The following STARD13 variants were observed in gnomAD, a reference collection of about 807,000 sequenced individuals.
The protein encoded by STARD13 is StAR related lipid transfer domain containing 13.
Under a neutral mutation model 106.4 loss-of-function variants are expected in STARD13, and 62 were observed. The observed-to-expected ratio is 0.58, with a 90% CI of 0.48 to 0.72. The LOEUF is 0.72. Among genes scored for constraint, STARD13 ranks in the 30% least tolerant of loss-of-function variants. The pLI is 0.00. For missense variants in STARD13, 1,387 were observed against 1,424.0 expected (o/e 0.97, Z 0.42); for synonymous variants, 565 against 553.0 (o/e 1.02, Z -0.31).
chr13:33,620,106 A>G, the STARD13 span, among the ~76,000 whole-genome samples: 14 of 152,078 alleles, frequency 9.2e-5, no homozygotes, highest in African/African-American at 2.7e-4. Flanking sequence ...ATCCATGACC[A>G]TAATTGGAGA....
chr13:33,438,124 T>A, the STARD13 span, among the ~76,000 whole-genome samples: 2 of 152,228 alleles, frequency 1.3e-5, no homozygotes, highest in Non-Finnish European at 2.9e-5. Flanking sequence ...ATTGTAACTT[T>A]TACATGGTGA....
the STARD13 span, among the ~76,000 whole-genome samples, chr13:33,376,116 T>C: frequency 6.6e-6 from 1 of 152,066 alleles, no homozygotes; most frequent in Non-Finnish European, 1.5e-5. Flanking sequence ...GTTTTGACCA[T>C]ATTACTTAAT....
the STARD13 span, among the ~76,000 whole-genome samples, chr13:33,425,757 G>A: frequency 6.6e-6 from 1 of 152,144 alleles, no homozygotes; most frequent in Non-Finnish European, 1.5e-5. Context: ...CAATTTTCCA[G>A]CAATGACACT....
the STARD13 span, among the ~76,000 whole-genome samples, chr13:33,672,805 C>T: frequency 5.3e-5 from 8 of 152,196 alleles, no homozygotes; most frequent in African/African-American, 1.9e-4. Context: ...GATGAAATTA[C>T]TTTCGACTAA....
At chr13:33,499,522 CTT>C in the STARD13 span, among the ~76,000 whole-genome samples, 66 of 53,516 alleles carry the variant, frequency 1.2e-3, no homozygotes, top group Admixed American at 2.4e-3. Flanking sequence ...TTCTTTCTTT[CTT>C]CTTCTTCTTC....
the STARD13 span, among the ~76,000 whole-genome samples, chr13:33,388,634 C>T: frequency 2.6e-5 from 4 of 152,210 alleles, no homozygotes; most frequent in Non-Finnish European, 5.9e-5. Context: ...CAGTAAGCTG[C>T]TGCCCTGCAT....
chr13:33,123,993 G>C (rs754732606), intron 7 of STARD13, among the ~76,000 whole-genome samples: 1 of 152,206 alleles, frequency 6.6e-6, no homozygotes, highest in East Asian at 1.9e-4. Context: ...GGGCAGACTG[G>C]AATCTTTTCA....
intron 1 of STARD13, chr13:33,277,713 G>C (rs192758613): frequency 6.6e-6 from 1 of 152,272 alleles, no homozygotes; most frequent in Non-Finnish European, 1.5e-5. Context: ...CAAAGCCAGA[G>C]CTAGAAGGCA....
At chr13:33,526,436 A>G in the STARD13 span, among the ~76,000 whole-genome samples, 1 of 152,078 alleles carries the variant, frequency 6.6e-6, no homozygotes, top group Admixed American at 6.6e-5. Context: ...CAGGGTGAAC[A>G]CTCAATACAT....
chr13:33,197,654 A>G (rs1886728724), intron 1 of STARD13, among the ~76,000 whole-genome samples: 1 of 152,224 alleles, frequency 6.6e-6, no homozygotes, highest in South Asian at 2.1e-4. Context: ...CTGACGCAGT[A>G]AGTGCTAATG....
At chr13:33,199,827 C>T (rs1886888775) in intron 1 of STARD13, among the ~76,000 whole-genome samples, 1 of 152,164 alleles carries the variant, frequency 6.6e-6, no homozygotes, top group South Asian at 2.1e-4. Context: ...GGTTTCTCCT[C>T]CTTAGGCATG....
chr13:33,334,406 A>G (rs2077871048), intron 1 of STARD13, among the ~76,000 whole-genome samples: 1 of 152,206 alleles, frequency 6.6e-6, no homozygotes, highest in Admixed American at 6.5e-5. Flanking sequence ...TCTGCACTTC[A>G]CTACCTGCAC....
chr13:33,443,448 G>A, the STARD13 span, among the ~76,000 whole-genome samples: 1 of 20,780 alleles, frequency 4.8e-5, no homozygotes, highest in Non-Finnish European at 7.4e-5. Flanking sequence ...TAATAAAAAG[G>A]GTCCCCCCCC....
At chr13:33,504,118 C>G in the STARD13 span, among the ~76,000 whole-genome samples, 1 of 151,952 alleles carries the variant, frequency 6.6e-6, no homozygotes, top group Non-Finnish European at 1.5e-5. Context: ...GGTGCTGGAG[C>G]GGATGTGGAG....
chr13:33,246,930 C>T (rs1274087110), intron 1 of STARD13, among the ~76,000 whole-genome samples: 1 of 152,168 alleles, frequency 6.6e-6, no homozygotes, highest in Non-Finnish European at 1.5e-5. Context: ...GGTGTGGTGG[C>T]TCATGCCTGT....
intron 1 of STARD13, among the ~76,000 whole-genome samples, chr13:33,195,960 A>G (rs979043576): frequency 6.6e-6 from 1 of 152,168 alleles, no homozygotes; most frequent in African/African-American, 2.4e-5. Flanking sequence ...AGCTTTCTCC[A>G]TTTGGTTAAG....
At chr13:33,151,909 G>C (rs1159933206) in intron 3 of STARD13, among the ~76,000 whole-genome samples, 1 of 152,208 alleles carries the variant, frequency 6.6e-6, no homozygotes, top group Non-Finnish European at 1.5e-5. Context: ...AAGCTGCAGA[G>C]AGGCAGAAAC....
At chr13:33,580,195 G>A in the STARD13 span, among the ~76,000 whole-genome samples, 2 of 151,946 alleles carry the variant, frequency 1.3e-5, no homozygotes, top group Non-Finnish European at 2.9e-5. Flanking sequence ...ATAAACTATG[G>A]TAAATTCACA....
the STARD13 span, among the ~76,000 whole-genome samples, chr13:33,358,181 C>T: frequency 2.0e-3 from 307 of 152,318 alleles, 1 homozygote; most frequent in African/African-American, 6.3e-3. Flanking sequence ...ACCAGTGCTG[C>T]GCTCGATTTC....
Sources: gnomAD v4.1 joint callset for allele counts (sites outside exome capture counted in the v4.1 genomes callset) on GRCh38, gnomAD v4.1.1 for gene constraint, MANE v1.5 for transcripts, NCBI Gene and HGNC (gene_info 2026-07-23, HGNC 2026-07-21) for gene names.